Variants in DAB1 observed in about 807,000 individuals in gnomAD.
The protein encoded by DAB1 is DAB adaptor protein 1.
In DAB1, 15 loss-of-function variants were observed where a neutral mutation model predicts 64.6. That is an observed-to-expected ratio of 0.23 (90% CI 0.16 to 0.36). The LOEUF (loss-of-function observed/expected upper bound fraction) is 0.36, where lower values mean the gene tolerates loss of function less well. Ranked by LOEUF, DAB1 falls within the 10% of genes least tolerant of loss-of-function variation. The probability of loss-of-function intolerance (pLI) is 1.00; values close to 1 mark genes in which losing one functional copy is unlikely to be tolerated. For synonymous variants in DAB1, 235 were observed against 251.9 expected, an observed-to-expected ratio of 0.93 and a Z score of 0.64; for missense variants, 596 against 706.7, an observed-to-expected ratio of 0.84 and a Z score of 1.78.
chr1:57,389,765 C>T (rs138062455), intron 1 of DAB1, among the ~76,000 whole-genome samples: 284 of 152,240 alleles, frequency 1.9e-3, no homozygotes, highest in African/African-American at 6.6e-3. Context: ...TGAAATGTAT[C>T]TGGCAGGTCA....
intron 6 of DAB1, among the ~76,000 whole-genome samples, chr1:57,700,853 A>G (rs1453060082): frequency 6.6e-6 from 1 of 152,148 alleles, no homozygotes; most frequent in Non-Finnish European, 1.5e-5. Flanking sequence ...AATTTTCTAT[A>G]TCTTGTAGGT....
chr1:58,490,931 G>A (rs1485040863), intron 3 of DAB1, among the ~76,000 whole-genome samples: 4 of 143,186 alleles, frequency 2.8e-5, no homozygotes, highest in African/African-American at 7.7e-5. Flanking sequence ...TCAGCCTTCC[G>A]AGTAGCTGGG....
intron 4 of DAB1, among the ~76,000 whole-genome samples, chr1:58,312,954 G>C (rs1662463671): frequency 6.6e-6 from 1 of 152,118 alleles, no homozygotes; most frequent in Admixed American, 6.5e-5. Flanking sequence ...ATTGCACTTA[G>C]AACAGTGTCT....
At chr1:57,062,331 C>T (rs1456805917) in intron 9 of DAB1, among the ~76,000 whole-genome samples, 1 of 152,156 alleles carries the variant, frequency 6.6e-6, no homozygotes, top group African/African-American at 2.4e-5. Flanking sequence ...TGGCCAGCCT[C>T]TCCTACTGTC....
intron 1 of DAB1, among the ~76,000 whole-genome samples, chr1:57,328,071 G>A (rs1317233960): frequency 6.6e-6 from 1 of 152,130 alleles, no homozygotes; most frequent in African/African-American, 2.4e-5. Flanking sequence ...TGCCTTACCA[G>A]GTTGTTTGCT....
intron 1 of DAB1, among the ~76,000 whole-genome samples, chr1:57,836,008 C>T (rs545276589): frequency 2.0e-5 from 3 of 152,304 alleles, no homozygotes; most frequent in Admixed American, 2.0e-4. Flanking sequence ...CTTGCCTTCA[C>T]TGAGGCTCAC....
chr1:57,125,240 C>A (rs1006448467), intron 4 of DAB1, among the ~76,000 whole-genome samples: 1 of 152,168 alleles, frequency 6.6e-6, no homozygotes, highest in African/African-American at 2.4e-5. Context: ...CCCCATAGGT[C>A]CCTGAAGGGA....
intron 14 of DAB1, among the ~76,000 whole-genome samples, chr1:57,008,960 G>A (rs1305478602): frequency 6.6e-6 from 1 of 152,190 alleles, no homozygotes; most frequent in Non-Finnish European, 1.5e-5. Flanking sequence ...TGGGGTACTG[G>A]ACAGAGCATT....
intron 2 of DAB1, among the ~76,000 whole-genome samples, chr1:57,270,865 T>G (rs1035042842): frequency 2.0e-5 from 3 of 152,134 alleles, no homozygotes; most frequent in Non-Finnish European, 4.4e-5. Context: ...GATTCAAACT[T>G]GGGCCTGTTG....
intron 7 of DAB1, among the ~76,000 whole-genome samples, chr1:57,647,602 C>A (rs566770576): frequency 2.0e-4 from 30 of 152,314 alleles, no homozygotes; most frequent in African/African-American, 7.2e-4. Flanking sequence ...TTAACCCAAG[C>A]AGGAACACAG....
At chr1:57,796,942 C>T (rs1052204919) in intron 6 of DAB1, among the ~76,000 whole-genome samples, 1 of 152,184 alleles carries the variant, frequency 6.6e-6, no homozygotes, top group Non-Finnish European at 1.5e-5. Context: ...CCTGGGGAGG[C>T]TAGTGGTTTG....
In DAB1 at chr1:58,033,048, G is replaced by A. The variant is rs1646993012; in HGVS notation, n.387+117463C>T. ...GTGCCTGGTGCCTTTGTGTTGGATA[G>A]CTTTATTTGTCCCTCCAGAACCACC... On this transcript the variant is annotated intron_variant and non_coding_transcript_variant, in intron 5 of 20. Transcript: ENST00000485760. Among the ~76,000 whole-genome samples the A allele has an allele frequency of 3.9e-5, 6 of 152,286 alleles. No homozygotes were observed. In the South Asian group the frequency reaches 1.2e-3, roughly 32 times the overall value.
intron 4 of DAB1, among the ~76,000 whole-genome samples, chr1:58,263,133 G>A (rs1403258613): frequency 1.3e-5 from 2 of 152,144 alleles, no homozygotes; most frequent in African/African-American, 4.8e-5. Flanking sequence ...ATGGCATAGA[G>A]AACAAGATAA....
chr1:57,935,650 T>A (rs992822565), intron 5 of DAB1, among the ~76,000 whole-genome samples: 1 of 151,764 alleles, frequency 6.6e-6, no homozygotes, highest in Admixed American at 6.6e-5. Flanking sequence ...GGAAAGAGAG[T>A]CACAAAGTGG....
intron 1 of DAB1, among the ~76,000 whole-genome samples, chr1:58,539,615 G>C (rs953331781): frequency 6.6e-6 from 1 of 152,170 alleles, no homozygotes; most frequent in Admixed American, 6.5e-5. Context: ...CAATAAAGTG[G>C]ATTAGATAAA....
At chr1:57,869,299 GTTA>G (rs762962828) in intron 1 of DAB1, among the ~76,000 whole-genome samples, 2 of 152,074 alleles carry the variant, frequency 1.3e-5, no homozygotes, top group Admixed American at 6.6e-5. Context: ...ATGAGTAGCT[GTTA>G]TTATTATTCT....
chr1:58,405,035 C>A (rs532293728), intron 3 of DAB1, among the ~76,000 whole-genome samples: 3 of 152,328 alleles, frequency 2.0e-5, no homozygotes, highest in Admixed American at 2.0e-4. Context: ...CATTCACACA[C>A]ACCATCACAT....
chr1:57,084,942 T>G (rs1360101082), intron 4 of DAB1, among the ~76,000 whole-genome samples: 1 of 152,150 alleles, frequency 6.6e-6, no homozygotes, highest in Non-Finnish European at 1.5e-5. Context: ...CCCCATGATT[T>G]GTTAGGCTGT....
chr1:58,120,737 G>A (rs74076072), intron 5 of DAB1, among the ~76,000 whole-genome samples: 30,458 of 151,988 alleles, frequency 0.2, 3,243 homozygotes, highest in East Asian at 0.36. Flanking sequence ...GAAGAACCAC[G>A]TGTCCCTTTT....
Sources: gnomAD v4.1 joint callset for allele counts (sites outside exome capture counted in the v4.1 genomes callset) on GRCh38, gnomAD v4.1.1 for gene constraint, MANE v1.5 for transcripts, NCBI Gene and HGNC (gene_info 2026-07-23, HGNC 2026-07-21) for gene names.